Variants in ITGA8 observed in about 807,000 individuals in gnomAD.
ITGA8 encodes integrin alpha-8.
Under a neutral mutation model 142.3 loss-of-function variants are expected in ITGA8, and 91 were observed. The observed-to-expected ratio is 0.64, with a 90% CI of 0.54 to 0.76. The LOEUF is 0.76. Ranked by LOEUF, ITGA8 falls within the 30% of genes least tolerant of loss-of-function variation. The pLI, the probability that ITGA8 is intolerant of heterozygous loss-of-function variation, is 0.00. For missense variants in ITGA8, 1,406 were observed against 1,327.7 expected, an observed-to-expected ratio of 1.06 and a Z score of -0.92; for synonymous variants, 505 against 485.2, an observed-to-expected ratio of 1.04 and a Z score of -0.54.
At chr10:15,671,726 G>T in intron 7 of ITGA8, 79 bp from the exon 8 acceptor site, 1 of 1,074,026 alleles carries the variant, frequency 9.3e-7, no homozygotes, top group South Asian at 1.3e-5. Flanking sequence ...AAGGTGAAAG[G>T]GCTACCATGG....
chr10:15,697,384 A>T (rs1835076782), intron 2 of ITGA8, among the ~76,000 whole-genome samples: 1 of 152,238 alleles, frequency 6.6e-6, no homozygotes, highest in Admixed American at 6.5e-5. Flanking sequence ...CACAAACATT[A>T]CGGCACGTTT....
intron 4 of ITGA8, among the ~76,000 whole-genome samples, chr10:15,682,752 G>A (rs1411211860): frequency 6.6e-6 from 1 of 151,692 alleles, no homozygotes; most frequent in Non-Finnish European, 1.5e-5. Flanking sequence ...TTGGCAGGCT[G>A]AGGTGGGAGG....
In ITGA8 at chr10:15,684,122, A is replaced by G. The variant is rs141821019; in HGVS notation, c.450T>C (p.Cys150=). 1.9e-6 allele frequency: 3 copies of G among 1,613,584 alleles called. No individual in the cohort carries two copies. In the African/African-American group the frequency reaches 4.0e-5, roughly 22 times the overall value. ...GAGTTCTCCAGTGATATAAAGGAGC[A>G]CAGGCCTAGGAAACATCAAAGACAA... ...VKAHKGKVVA[C]APLYHWRTLK... The change falls in exon 4 of 30, where the codon TGT becomes TGC. Residue 150 remains cysteine (C), a synonymous_variant. Transcript: ENST00000378076.
chr10:15,646,834 G>T lies in ITGA8; in HGVS notation c.1207+12C>A. 2 of 1,607,738 alleles carry T rather than the reference G, an allele frequency of 1.2e-6. No homozygotes were observed. The highest frequency in any genetic ancestry group is 1.7e-6 in the Non-Finnish European group (2 of 1,174,562). On this transcript the variant is annotated intron_variant, in intron 12 of 29. Transcript: ENST00000378076. ...GACACATAAATGACTTCCACGCTTT[G>T]GTTTAAATTACCATTGTATCCATCT...
intron 26 of ITGA8, among the ~76,000 whole-genome samples, chr10:15,552,737 A>C (rs1325563096): frequency 1.3e-5 from 2 of 151,848 alleles, no homozygotes; most frequent in South Asian, 4.2e-4. Context: ...CCCTGTGTCC[A>C]TGTGTTCTCA....
chr10:15,565,045 A>G (rs750146456), intron 25 of ITGA8, among the ~76,000 whole-genome samples: 5 of 152,358 alleles, frequency 3.3e-5, no homozygotes, highest in South Asian at 4.1e-4. Flanking sequence ...GTATTTGAAC[A>G]TGGTGTTTTT....
chr10:15,636,344 T>A (rs1474648137), intron 13 of ITGA8, among the ~76,000 whole-genome samples: 1 of 152,164 alleles, frequency 6.6e-6, no homozygotes, highest in Admixed American at 6.5e-5. Context: ...AACCCCAACA[T>A]ACAGACCTGA....
intron 13 of ITGA8, among the ~76,000 whole-genome samples, chr10:15,619,317 G>T (rs1304134423): frequency 3.9e-5 from 6 of 152,126 alleles, no homozygotes; most frequent in Non-Finnish European, 1.5e-5. Context: ...TGATCTGAAA[G>T]TTCTCCAGGT....
At chr10:15,603,174 A>C (rs190610234) in intron 20 of ITGA8, among the ~76,000 whole-genome samples, 2 of 152,228 alleles carry the variant, frequency 1.3e-5, no homozygotes, top group African/African-American at 2.4e-5. Flanking sequence ...ACAAACAAAA[A>C]TCATGAGACT....
In ITGA8 at chr10:15,624,283, C is replaced by T. The variant is rs867322706; in HGVS notation, c.1400-7724G>A. On this transcript the variant is annotated intron_variant, in intron 13 of 29. Coordinates refer to ENST00000378076, the MANE Select transcript of ITGA8 (RefSeq NM_003638.3). Reference sequence around the variant, plus strand: ...AGTGGCAGCTGAAAAATCAGCAATTCTCAACTCCAGTTCACTTTGCTACTG... The same window carrying T: ...AGTGGCAGCTGAAAAATCAGCAATTTTCAACTCCAGTTCACTTTGCTACTG... Among the ~76,000 whole-genome samples, 6 of 152,174 alleles carry T rather than the reference C, an allele frequency of 3.9e-5. No homozygotes were observed. In the South Asian group the frequency reaches 6.2e-4, roughly 16 times the overall value.
At chr10:15,639,811 C>T (rs754089981) in intron 13 of ITGA8, among the ~76,000 whole-genome samples, 34 of 152,286 alleles carry the variant, frequency 2.2e-4, no homozygotes, top group African/African-American at 6.3e-4. Context: ...CCTGAACATT[C>T]GGATTTTTTA....
At chr10:15,643,904 C>G in intron 13 of ITGA8, 126 bp downstream of exon 13, 2 of 743,718 alleles carry the variant, frequency 2.7e-6, no homozygotes, top group African/African-American at 3.5e-5. Context: ...ATTAAAAAAG[C>G]CTGTGGCATG....
At chr10:15,613,194 TAAATAAATAAAC>T (rs56670719) in intron 15 of ITGA8, among the ~76,000 whole-genome samples, 101,964 of 151,416 alleles carry the variant, frequency 0.67, 35,603 homozygotes, top group South Asian at 0.86. Flanking sequence ...AATAAATAAA[TAAATAAATAAAC>T]AGGACATTAT....
intron 25 of ITGA8, among the ~76,000 whole-genome samples, chr10:15,566,644 C>G (rs1360417422): frequency 6.6e-6 from 1 of 151,702 alleles, no homozygotes; most frequent in Non-Finnish European, 1.5e-5. Flanking sequence ...AACCGCATCT[C>G]TACAAATAAA....
intron 13 of ITGA8, among the ~76,000 whole-genome samples, chr10:15,641,078 G>A (rs1306668300): frequency 6.6e-6 from 1 of 152,116 alleles, no homozygotes; most frequent in Non-Finnish European, 1.5e-5. Context: ...TTCTGAGATG[G>A]AGTCTCGCCC....
Position 15,701,016 on chromosome 10 carries a change from C to A in ITGA8, c.344-12978G>T, listed in dbSNP as rs138425595. Among the ~76,000 whole-genome samples, 6 of 152,294 alleles carry A rather than the reference C, an allele frequency of 3.9e-5. No homozygotes were observed. The East Asian group carries it at 5.8e-4, about 15-fold the overall frequency. ...TTCCACAGAGATGTTGTCTGCTTCA[C>A]CTCTGCATTTTCCAGTGCCAAAAAC... On this transcript the variant is annotated intron_variant, in intron 2 of 29. Transcript: ENST00000378076.
intron 20 of ITGA8, among the ~76,000 whole-genome samples, chr10:15,601,995 G>A (rs1225371006): frequency 6.6e-6 from 1 of 152,212 alleles, no homozygotes; most frequent in Admixed American, 6.5e-5. Flanking sequence ...AATCATTTGA[G>A]ATTGCAGATA....
At chr10:15,624,965 C>T (rs1833555100) in intron 13 of ITGA8, among the ~76,000 whole-genome samples, 1 of 152,136 alleles carries the variant, frequency 6.6e-6, no homozygotes, top group Non-Finnish European at 1.5e-5. Context: ...AGATAAGTCT[C>T]CTTGACTTTG....
intron 6 of ITGA8, 90 bp from the exon 7 acceptor site, chr10:15,672,839 G>A: frequency 7.5e-7 from 1 of 1,335,540 alleles, no homozygotes; most frequent in Non-Finnish European, 9.9e-7. Flanking sequence ...AAGCTATGGT[G>A]GAATTGCTTG....
Sources: allele counts gnomAD v4.1 joint callset (sites outside exome capture counted in the v4.1 genomes callset), GRCh38; gene constraint gnomAD v4.1.1; transcripts MANE v1.5; gene names NCBI Gene and HGNC (gene_info 2026-07-23, HGNC 2026-07-21).